The following MIB1 variants were observed in gnomAD, a reference collection of about 807,000 sequenced individuals.
The protein encoded by MIB1 is E3 ubiquitin-protein ligase MIB1.
A neutral mutation model predicts 124.5 loss-of-function variants in MIB1; 278 were observed. The ratio of observed to expected loss-of-function variants is 2.23; its 90% confidence interval spans 2.02 to 2.47. MIB1 has a LOEUF of 2.47. Ranked by LOEUF, MIB1 falls within the 30% of genes most tolerant of loss-of-function variation. The pLI is 0.00. For synonymous variants in MIB1, 446 were observed against 429.4 expected (o/e 1.04, Z -0.48); for missense variants, 957 against 1,254.4 (o/e 0.76, Z 3.58).
intron 10 of MIB1, among the ~76,000 whole-genome samples, chr18:21,812,634 T>G (rs1262188127): frequency 6.6e-6 from 1 of 152,180 alleles, no homozygotes; most frequent in South Asian, 2.1e-4. Context: ...TTGTTGACCA[T>G]ATGGTCTGTA....
chr18:21,744,784 C>T (rs544127705), intron 1 of MIB1, among the ~76,000 whole-genome samples: 1 of 152,314 alleles, frequency 6.6e-6, no homozygotes, highest in Admixed American at 6.5e-5. Context: ...GTTCGTATGT[C>T]TCATTAATTA....
intron 3 of MIB1, 152 bp downstream of exon 3, chr18:21,768,904 A>C (rs967383062): frequency 1.4e-6 from 1 of 711,222 alleles, no homozygotes. Flanking sequence ...GGAAGTAAAA[A>C]GATTGTTCTT....
At chr18:21,709,179 G>A (rs2040654630) in intron 1 of MIB1, among the ~76,000 whole-genome samples, 1 of 151,890 alleles carries the variant, frequency 6.6e-6, no homozygotes, top group Non-Finnish European at 1.5e-5. Flanking sequence ...TTAGCTGGGT[G>A]CAGTGGCGGG....
At chr18:21,764,908 T>C (rs543755612) in intron 1 of MIB1, among the ~76,000 whole-genome samples, 77 of 152,278 alleles carry the variant, frequency 5.1e-4, no homozygotes, top group Non-Finnish European at 1.0e-3. Flanking sequence ...GCATTGAGCT[T>C]GACCATCCAG....
At position 21,740,892 on chromosome 18, in the gene MIB1, T is replaced by TC. The variant is rs1373885444; in HGVS notation, c.-687dup. 6.6e-6 allele frequency among the ~76,000 whole-genome samples: 1 copy of TC among 152,212 alleles called. No individual in the cohort carries two copies. Among genetic ancestry groups the TC allele is most frequent in the Non-Finnish European group, 1.5e-5 (1 of 68,036 alleles). The stretch of plus-strand genomic sequence containing the variant: ...CTTCCCACTCTATTATTGCCGAGGA[T>TC]CCCCCTCCTAGACACTCTGAGAAGG... On this transcript the variant is annotated 5_prime_UTR_variant, in exon 1 of 21. Transcript: ENST00000261537.
chr18:21,857,270 A>G (rs1274211762), intron 19 of MIB1, 27 bp downstream of exon 19: 1 of 1,562,560 alleles, frequency 6.4e-7, no homozygotes, highest in Admixed American at 1.7e-5. Flanking sequence ...AAGCATTTTC[A>G]TATTTTGCTT....
intron 1 of MIB1, among the ~76,000 whole-genome samples, chr18:21,750,493 A>G (rs1598591229): frequency 6.6e-6 from 1 of 152,070 alleles, no homozygotes; most frequent in Non-Finnish European, 1.5e-5. Flanking sequence ...ATGCCCCGCT[A>G]ACTTTTCATA....
chr18:21,844,972 T>A (rs1415339083), intron 15 of MIB1, among the ~76,000 whole-genome samples: 1 of 152,204 alleles, frequency 6.6e-6, no homozygotes, highest in Non-Finnish European at 1.5e-5. Flanking sequence ...TATATGTGAA[T>A]GCACATATTT....
At chr18:21,728,357 G>A (rs1291709889) in intron 1 of MIB1, among the ~76,000 whole-genome samples, 1 of 152,136 alleles carries the variant, frequency 6.6e-6, no homozygotes, top group Non-Finnish European at 1.5e-5. Flanking sequence ...GCCGGGCATG[G>A]TTGTGGGCAC....
chr18:21,807,372 T>G (rs1411643396), intron 10 of MIB1, among the ~76,000 whole-genome samples: 1 of 152,120 alleles, frequency 6.6e-6, no homozygotes, highest in Non-Finnish European at 1.5e-5. Flanking sequence ...GCCCAGGCTG[T>G]GGTGAGCTGA....
At position 21,768,716 on chromosome 18, in the gene MIB1, G is replaced by C. The variant is rs555100569; in HGVS notation, c.495G>C (p.Trp165Cys). ...TGGTGCGAGGAGTGGACTGGCAGTG[G>C]GAAGATCAAGATGGAGGAAATGGAC... ...ARVVRGVDWQ[W>C]EDQDGGNGRR... The change falls in exon 3 of 21, where the codon TGG becomes TGC. Residue 165 changes from tryptophan (W) to cysteine (C), a missense_variant. Coordinates refer to ENST00000261537, the MANE Select transcript of MIB1 (RefSeq NM_020774.4). 6.2e-7 allele frequency: 1 copy of C among 1,611,190 alleles called. No individual in the cohort carries two copies. The highest frequency in any genetic ancestry group is 2.2e-5 in the East Asian group (1 of 44,762).
intron 9 of MIB1, among the ~76,000 whole-genome samples, chr18:21,800,525 A>G (rs1406939466): frequency 3.9e-5 from 6 of 152,120 alleles, no homozygotes; most frequent in Non-Finnish European, 5.9e-5. Context: ...CATTCAAGCT[A>G]TCTTTTAAGT....
chr18:21,815,602 A>G lies in MIB1; in HGVS notation c.1480-14A>G, dbSNP rs772793955. On this transcript the variant is annotated splice_polypyrimidine_tract_variant and intron_variant, in intron 10 of 20. Transcript: ENST00000261537. Reference sequence around the variant, plus strand: ...AAAATATTCACTAATTCACATTTCAATACTAATGATTAGGATAAAGATGGT... The same window carrying G: ...AAAATATTCACTAATTCACATTTCAGTACTAATGATTAGGATAAAGATGGT... 3.1e-5 allele frequency: 50 copies of G among 1,608,090 alleles called. No homozygotes were observed. Among genetic ancestry groups the G allele is most frequent in the Middle Eastern group, 1.7e-4 (1 of 6,038 alleles).
intron 12 of MIB1, among the ~76,000 whole-genome samples, chr18:21,830,356 A>C (rs2041967246): frequency 6.6e-6 from 1 of 152,172 alleles, no homozygotes; most frequent in African/African-American, 2.4e-5. Context: ...ATCATCACTT[A>C]ATCTGAAACA....
At chr18:21,739,101 G>T (rs2040813496), upstream of MIB1, among the ~76,000 whole-genome samples, 1 of 151,524 alleles carries the variant, frequency 6.6e-6, no homozygotes, top group South Asian at 2.1e-4. Flanking sequence ...ATTATAAAGG[G>T]GATATCACCA....
chr18:21,740,104 C>G (rs890789705), upstream of MIB1, among the ~76,000 whole-genome samples: 1 of 152,164 alleles, frequency 6.6e-6, no homozygotes, highest in African/African-American at 2.4e-5. Context: ...TGCATGCTAA[C>G]GGTGCCAACA....
chr18:21,853,086 A>T (rs980183866), intron 17 of MIB1, 54 bp from the exon 18 acceptor site: 9 of 1,164,362 alleles, frequency 7.7e-6, no homozygotes, highest in Non-Finnish European at 1.2e-5. Context: ...ACTTGTTAAG[A>T]GTTACTAGAT....
intron 13 of MIB1, among the ~76,000 whole-genome samples, chr18:21,840,660 TATA>T (rs2042079310): frequency 6.9e-4 from 1 of 1,452 alleles, no homozygotes; most frequent in African/African-American, 1.4e-3. Context: ...TATATATATA[TATA>T]TATTTTTTTT....
intron 3 of MIB1, among the ~76,000 whole-genome samples, chr18:21,771,234 TAAATC>T (rs1444713249): frequency 1.7e-4 from 26 of 152,368 alleles, no homozygotes; most frequent in Admixed American, 9.1e-4. Flanking sequence ...TCCTCAATAA[TAAATC>T]AAGTCATATT....
Sources: gnomAD v4.1 joint callset for allele counts (sites outside exome capture counted in the v4.1 genomes callset) on GRCh38, gnomAD v4.1.1 for gene constraint, MANE v1.5 for transcripts, NCBI Gene and HGNC (gene_info 2026-07-23, HGNC 2026-07-21) for gene names.